The following TAF1B variants were observed in gnomAD, a reference collection of about 807,000 sequenced individuals.
The protein encoded by TAF1B is TATA-box binding protein associated factor, RNA polymerase I subunit B, also known as TATA box-binding protein-associated factor RNA polymerase I subunit B.
A neutral mutation model predicts 83.9 loss-of-function variants in TAF1B; 61 were observed. The observed-to-expected ratio is 0.73, with a 90% confidence interval of 0.59 to 0.90. The LOEUF is 0.90. Ranked by LOEUF, TAF1B falls within the 40% of genes least tolerant of loss-of-function variation. The pLI, the probability that TAF1B is intolerant of heterozygous loss-of-function variation, is 0.00. For synonymous variants in TAF1B, 221 were observed against 224.6 expected (o/e 0.98, Z 0.14); for missense variants, 625 against 677.0 (o/e 0.92, Z 0.85).
chr2:9,921,250 C>G (rs1369356846), intron 14 of TAF1B, among the ~76,000 whole-genome samples: 1 of 152,110 alleles, frequency 6.6e-6, no homozygotes, highest in African/African-American at 2.4e-5. Context: ...CACCACCATA[C>G]CCAGCTAATT....
chr2:9,891,088 A>G (rs540219282), intron 8 of TAF1B, among the ~76,000 whole-genome samples: 2 of 152,340 alleles, frequency 1.3e-5, no homozygotes, highest in South Asian at 2.1e-4. Flanking sequence ...CTTACTTTAA[A>G]TTATACAATA....
At chr2:9,862,953 A>G (rs1306039803) in intron 5 of TAF1B, among the ~76,000 whole-genome samples, 4 of 152,196 alleles carry the variant, frequency 2.6e-5, no homozygotes, top group Admixed American at 2.0e-4. Context: ...AGCACTAAAC[A>G]TGGAAAGGAA....
intron 14 of TAF1B, among the ~76,000 whole-genome samples, chr2:9,926,328 A>G (rs1285130929): frequency 6.6e-6 from 1 of 152,176 alleles, no homozygotes; most frequent in Admixed American, 6.5e-5. Flanking sequence ...ATATATTGCA[A>G]GTGGTTGACA....
intron 8 of TAF1B, among the ~76,000 whole-genome samples, chr2:9,903,869 G>A (rs1395110241): frequency 6.6e-6 from 1 of 152,174 alleles, no homozygotes; most frequent in East Asian, 1.9e-4. Flanking sequence ...CATATCATGG[G>A]AAAACCCAGT....
rs924727061 is a variant in TAF1B at position 9,874,796 on chromosome 2, TAAGTTTTG to T, written c.554-1068_554-1061del. ...GGATAGAAGAAGGTGCTGCTCTAGC[TAAGTTTTG>T]GAGTTTTGGAGAGGCCTTGTAGAGA... On this transcript the variant is annotated intron_variant, in intron 6 of 14. Transcript: ENST00000263663. Among the ~76,000 whole-genome samples, 118 of 152,276 alleles carry T rather than the reference TAAGTTTTG, an allele frequency of 7.7e-4. 2 individuals carry two copies. The highest frequency in any genetic ancestry group is 5.9e-5 in the Non-Finnish European group (4 of 68,026).
chr2:9,858,687 C>T (rs544626643), intron 5 of TAF1B, among the ~76,000 whole-genome samples: 70 of 152,294 alleles, frequency 4.6e-4, no homozygotes, highest in African/African-American at 1.7e-3. Context: ...TTCTATGCAC[C>T]CACAGGCCCA....
chr2:9,851,413 G>T, intron 3 of TAF1B, 128 bp from the exon 4 acceptor site: 1 of 642,314 alleles, frequency 1.6e-6, no homozygotes. Context: ...AAGCTGCTAA[G>T]TTCTGGGTTA....
At chr2:9,850,035 G>A (rs201615155) in intron 3 of TAF1B, among the ~76,000 whole-genome samples, 5 of 102,932 alleles carry the variant, frequency 4.9e-5, no homozygotes, top group African/African-American at 1.3e-4. Context: ...ATATGTGTGT[G>A]TGTGTGTGTG....
At chr2:9,843,904 C>G in intron 1 of TAF1B, 1 of 163,656 alleles carries the variant, frequency 6.1e-6, no homozygotes, top group Non-Finnish European at 1.3e-5. Flanking sequence ...CCCTTTAATG[C>G]TGGGGTGGGT....
intron 5 of TAF1B, among the ~76,000 whole-genome samples, chr2:9,867,972 G>C (rs1384191811): frequency 6.6e-6 from 1 of 152,192 alleles, no homozygotes; most frequent in Non-Finnish European, 1.5e-5. Context: ...TGGGGTCATT[G>C]ATGCGCGATG....
rs957905548 is a variant in TAF1B, at chr2:9,911,617, G to T, written c.1180+60G>T. ...GTTATAGATGATAGATTAAAAGATG[G>T]AATAAATGTAGGCAAACAACTTTGA... On this transcript the variant is annotated intron_variant, in intron 11 of 14. Coordinates refer to ENST00000263663, the MANE Select transcript of TAF1B (RefSeq NM_005680.3). The T allele has an allele frequency of 3.2e-6, 4 of 1,251,618 alleles. No homozygotes were observed. The African/African-American group carries it at 4.7e-5, about 15-fold the overall frequency. 77.5% of individuals were successfully genotyped at this position (1,251,618 alleles called of 1,614,324 possible). A position where few individuals can be genotyped will look rare whatever the true frequency, so the allele number is the denominator to read the frequency against.
chr2:9,860,165 C>T (rs1572221161), intron 5 of TAF1B, among the ~76,000 whole-genome samples: 1 of 152,160 alleles, frequency 6.6e-6, no homozygotes, highest in Admixed American at 6.5e-5. Context: ...CACTAGGTCC[C>T]TCCCTCCAGA....
At chr2:9,846,275 AACGAGGCT>A in intron 2 of TAF1B, 1 of 366,962 alleles carries the variant, frequency 2.7e-6, no homozygotes, top group East Asian at 7.3e-5. Context: ...AACCTTGGTA[AACGAGGCT>A]ACCTTCACAT....
In TAF1B at chr2:9,925,235, A is replaced by G. The variant is rs536162879; in HGVS notation, c.1565+5415A>G. Among the ~76,000 whole-genome samples, 25 of 152,208 alleles carry G rather than the reference A, an allele frequency of 1.6e-4. 1 individual carries two copies. The Middle Eastern group carries it at 0.01, about 62-fold the overall frequency. ...GGTGGGCGGATTACGAGGTCAGGAG[A>G]TCGAGACCATCCTGGCCAACATGGT... On this transcript the variant is annotated intron_variant, in intron 14 of 14. Transcript: ENST00000263663.
At chr2:9,900,897 G>A (rs531824611) in intron 8 of TAF1B, among the ~76,000 whole-genome samples, 2 of 152,256 alleles carry the variant, frequency 1.3e-5, no homozygotes, top group Non-Finnish European at 2.9e-5. Flanking sequence ...ATAGGCTGTT[G>A]AATTTAAATC....
At chr2:9,913,316 G>A (rs772904433) in intron 12 of TAF1B, 67 bp downstream of exon 12, 1 of 1,335,032 alleles carries the variant, frequency 7.5e-7, no homozygotes, top group Admixed American at 1.8e-5. Flanking sequence ...ACATTTGAAA[G>A]CTGAAGCTTC....
chr2:9,910,145 A>G (rs4669491), intron 9 of TAF1B, among the ~76,000 whole-genome samples: 78,194 of 152,090 alleles, frequency 0.51, 23,113 homozygotes, highest in Non-Finnish European at 0.68. Flanking sequence ...AACCCATTTT[A>G]CAAGTGAAGA....
intron 7 of TAF1B, among the ~76,000 whole-genome samples, chr2:9,878,577 C>G (rs1664394872): frequency 6.6e-6 from 1 of 152,168 alleles, no homozygotes; most frequent in Non-Finnish European, 1.5e-5. Flanking sequence ...ATTCATTACC[C>G]TGCAAATAGC....
rs2125146453 is a variant in TAF1B at position 9,868,506 on chromosome 2, T to C, written c.553+77T>C. 13 of 1,546,362 alleles carry C rather than the reference T, an allele frequency of 8.4e-6. No homozygotes were observed. In the South Asian group the frequency reaches 1.6e-4, roughly 19 times the overall value. ...AAAATAATTTAGTCTAATCTTCTGA[T>C]AATCCAAGGAAAGGGAACTTGGTCT... On this transcript the variant is annotated intron_variant, in intron 6 of 14. Coordinates refer to ENST00000263663, the MANE Select transcript of TAF1B (RefSeq NM_005680.3).
Sources: allele counts gnomAD v4.1 joint callset (sites outside exome capture counted in the v4.1 genomes callset), GRCh38; gene constraint gnomAD v4.1.1; transcripts MANE v1.5; gene names NCBI Gene and HGNC (gene_info 2026-07-23, HGNC 2026-07-21).